DST: variants seen among roughly 807,000 people sequenced by gnomAD.
DST encodes bullous pemphigoid antigen.
DST carries 253 observed loss-of-function variants against 875.2 expected under a neutral mutation model. The ratio of observed to expected loss-of-function variants is 0.29; its 90% CI spans 0.26 to 0.32. The LOEUF (loss-of-function observed/expected upper bound fraction) is 0.32, where lower values mean the gene tolerates loss of function less well. DST is among the 10% of genes least tolerant of loss of function. The pLI is 1.00. For synonymous variants in DST, 3,124 were observed against 3,197.1 expected, an observed-to-expected ratio of 0.98 and a Z score of 0.77; for missense variants, 8,287 against 9,111.6, an observed-to-expected ratio of 0.91 and a Z score of 3.68.
chr6:56,500,616 G>C (rs1216140695), intron 80 of DST, among the ~76,000 whole-genome samples: 2 of 152,120 alleles, frequency 1.3e-5, no homozygotes, highest in Admixed American at 6.6e-5. Flanking sequence ...AAATATGTCA[G>C]AAATGACAAA....
At chr6:56,885,017 G>C (rs572994682) in intron 3 of DST, among the ~76,000 whole-genome samples, 1 of 142,656 alleles carries the variant, frequency 7.0e-6, no homozygotes, top group East Asian at 1.9e-4. Context: ...GGCGTGAGCT[G>C]TGAAGCTCAT....
intron 5 of DST, among the ~76,000 whole-genome samples, chr6:56,725,923 G>GA (rs1554676264): frequency 6.7e-6 from 1 of 148,564 alleles, no homozygotes; most frequent in Non-Finnish European, 1.5e-5. Flanking sequence ...TTCCAGGAGA[G>GA]TTTTTTTTTT....
intron 48 of DST, among the ~76,000 whole-genome samples, chr6:56,593,312 G>A (rs903621673): frequency 1.3e-5 from 2 of 151,880 alleles, no homozygotes; most frequent in East Asian, 1.9e-4. Flanking sequence ...TCAGGAGATC[G>A]AGACCATCCT....
chr6:56,651,885 C>T (rs2098977807), intron 10 of DST, among the ~76,000 whole-genome samples: 1 of 152,134 alleles, frequency 6.6e-6, no homozygotes, highest in African/African-American at 2.4e-5. Context: ...TATGTTGTTT[C>T]TCCCAAACCG....
At chr6:56,495,778 A>G (rs963537147) in intron 82 of DST, among the ~76,000 whole-genome samples, 3 of 152,254 alleles carry the variant, frequency 2.0e-5, no homozygotes, top group South Asian at 2.1e-4. Context: ...AGTATACCAT[A>G]AAGATTTCTA....
chr6:56,896,059 G>A (rs1390227811), intron 3 of DST, among the ~76,000 whole-genome samples: 1 of 36,804 alleles, frequency 2.7e-5, no homozygotes, highest in Non-Finnish European at 5.1e-5. Flanking sequence ...GAGAGGGAGA[G>A]GGAGACGGGA....
Position 56,744,862 on chromosome 6 carries a change from C to T in DST, c.626-9573G>A, listed in dbSNP as rs1402123523. Among the ~76,000 whole-genome samples the T allele has an allele frequency of 2.0e-5, 3 of 152,138 alleles. No individual in the cohort carries two copies. In the East Asian group the frequency reaches 5.8e-4, roughly 29 times the overall value. ...TTGAAATGGGTAATAGGAAAAAGTCCCCACTCTCATTTTAATTGAAAAATC... is the reference window on the plus strand; with the variant it reads ...TTGAAATGGGTAATAGGAAAAAGTCTCCACTCTCATTTTAATTGAAAAATC... On this transcript the variant is annotated intron_variant, in intron 4 of 103. Transcript: ENST00000680361.
chr6:56,908,429 T>C (rs1234625457), intron 2 of DST, among the ~76,000 whole-genome samples: 1 of 152,216 alleles, frequency 6.6e-6, no homozygotes, highest in Non-Finnish European at 1.5e-5. Context: ...ATGTAGGCCA[T>C]AAACCTGGTA....
intron 4 of DST, among the ~76,000 whole-genome samples, chr6:56,777,985 G>C (rs866723972): frequency 1.7e-4 from 26 of 152,240 alleles, no homozygotes; most frequent in South Asian, 4.1e-4. Flanking sequence ...TTACAGGCAT[G>C]AGCCACTGCC....
At chr6:56,725,085 A>T (rs185780480) in intron 5 of DST, among the ~76,000 whole-genome samples, 2 of 152,354 alleles carry the variant, frequency 1.3e-5, no homozygotes, top group East Asian at 3.9e-4. Flanking sequence ...AAATGAGAAA[A>T]CTAAGGCCTA....
At chr6:56,894,963 C>A (rs1349653762) in intron 3 of DST, among the ~76,000 whole-genome samples, 1 of 96,262 alleles carries the variant, frequency 1.0e-5, no homozygotes, top group South Asian at 2.8e-4. Context: ...CCGGACGGGG[C>A]GGCTGGCCAG....
chr6:56,655,994 G>A, intron 10 of DST, among the ~76,000 whole-genome samples: 1 of 152,192 alleles, frequency 6.6e-6, no homozygotes, highest in East Asian at 1.9e-4. Flanking sequence ...TAACTTTTGA[G>A]GATTAAATAA....
At chr6:56,890,773 T>C (rs2127660753) in intron 3 of DST, among the ~76,000 whole-genome samples, 1 of 152,368 alleles carries the variant, frequency 6.6e-6, no homozygotes, top group East Asian at 1.9e-4. Flanking sequence ...AGTCACGCTT[T>C]CTGACTCATC....
intron 4 of DST, among the ~76,000 whole-genome samples, chr6:56,834,126 G>T (rs868657955): frequency 6.6e-6 from 1 of 152,160 alleles, no homozygotes; most frequent in South Asian, 2.1e-4. Flanking sequence ...TACTTGGGAG[G>T]CTGAGGCAGG....
chr6:56,716,320 T>A (rs777241074), intron 5 of DST, among the ~76,000 whole-genome samples: 1 of 152,210 alleles, frequency 6.6e-6, no homozygotes, highest in Non-Finnish European at 1.5e-5. Flanking sequence ...GATAGCCTTT[T>A]CAACAAATGA....
At chr6:56,953,342 G>C (rs1823332064) in intron 2 of DST, among the ~76,000 whole-genome samples, 2 of 152,312 alleles carry the variant, frequency 1.3e-5, no homozygotes, top group South Asian at 4.1e-4. Flanking sequence ...AACATGGAGA[G>C]CTTTAGGAGA....
chr6:56,636,426 G>GTATA lies in DST; in HGVS notation c.3060+127_3060+130dup, dbSNP rs113851676. On this transcript the variant is annotated intron_variant, in intron 23 of 103. Transcript: ENST00000680361. ...TGTATATATATACACACATATATGT[G>GTATA]TATATATATATGTGTGTATATATAT... The GTATA allele has an allele frequency of 8.7e-4, 604 of 695,730 alleles. 1 individual carries two copies. In the African/African-American group the frequency reaches 9.5e-3, roughly 11 times the overall value. 43.1% of individuals were successfully genotyped at this position (695,730 alleles called of 1,614,324 possible). A position where few individuals can be genotyped will look rare whatever the true frequency, so the allele number is the denominator to read the frequency against.
intron 60 of DST, 38 bp from the exon 61 acceptor site, chr6:56,553,693 A>G: frequency 1.3e-6 from 2 of 1,557,846 alleles, no homozygotes; most frequent in Non-Finnish European, 8.7e-7. Flanking sequence ...ATTTTACATC[A>G]AAATGTTAAT....
chr6:56,465,129 C>A (rs1209079913), intron 99 of DST, among the ~76,000 whole-genome samples: 1 of 152,096 alleles, frequency 6.6e-6, no homozygotes, highest in Admixed American at 6.5e-5. Context: ...GAGAGCAGGG[C>A]TACTGTATAA....
Sources: gnomAD v4.1 joint callset for allele counts (sites outside exome capture counted in the v4.1 genomes callset) on GRCh38, gnomAD v4.1.1 for gene constraint, MANE v1.5 for transcripts, NCBI Gene and HGNC (gene_info 2026-07-23, HGNC 2026-07-21) for gene names.